Variants in SRCAP observed in about 807,000 individuals in gnomAD.
SRCAP encodes Snf2 related CREBBP activator protein.
SRCAP carries 46 observed loss-of-function variants against 263.1 expected under a neutral mutation model. The ratio of observed to expected loss-of-function variants is 0.17; its 90% CI spans 0.14 to 0.22. SRCAP has a LOEUF of 0.22. SRCAP is among the 10% of genes least tolerant of loss of function. The probability of loss-of-function intolerance (pLI) is 1.00; values close to 1 mark genes in which losing one functional copy is unlikely to be tolerated. For missense variants in SRCAP, 3,695 were observed against 4,181.9 expected, an observed-to-expected ratio of 0.88 and a Z score of 3.21; for synonymous variants, 1,813 against 1,662.1, an observed-to-expected ratio of 1.09 and a Z score of -2.21.
At position 30,739,090 on chromosome 16, in the gene SRCAP, C is replaced by T. The variant is rs1456235567; in HGVS notation, c.9050C>T (p.Pro3017Leu). 1.9e-6 allele frequency: 3 copies of T among 1,614,106 alleles called. No homozygotes were observed. The highest frequency in any genetic ancestry group is 1.3e-5 in the African/African-American group (1 of 74,938). The change falls in exon 34 of 34, where the codon CCT (proline) becomes CTT (leucine). Residue 3017 changes from proline (P) to leucine (L), a missense_variant. Pro to Leu is a moderately conservative substitution (Grantham distance 98). This residue lies in a region of SRCAP where 1,207 missense variants were observed against 1,142.9 expected (regional missense o/e 1.06). Transcript: ENST00000262518. ...CGACCTCCCAAGAATCCTCCATCAC[C>T]TCGGCCCAGCCAGCTCCCCGTCTTG... Reference protein sequence around the residue: ...RGRPPKNPPSPRPSQLPVLDR... With the variant: ...RGRPPKNPPSLRPSQLPVLDR...
intron 13 of SRCAP, 116 bp from the exon 14 acceptor site, chr16:30,712,563 A>G (rs1467427020): frequency 6.5e-7 from 1 of 1,536,798 alleles, no homozygotes; most frequent in Middle Eastern, 1.9e-4. Flanking sequence ...TATAGAGAGG[A>G]CAGTGTAGGT....
In SRCAP at chr16:30,736,342, A is replaced by C; in HGVS notation, c.6872A>C (p.Glu2291Ala). 1 of 1,614,072 alleles carries C rather than the reference A, an allele frequency of 6.2e-7. No individual in the cohort carries two copies. The change falls in exon 32 of 34, where the codon GAG becomes GCG. Residue 2291 changes from glutamate (E) to alanine (A), a missense_variant. Physicochemically the swap from Glu to Ala is moderately radical, Grantham distance 107. Coordinates refer to ENST00000262518, the MANE Select transcript of SRCAP (RefSeq NM_006662.3). ...EGEEAGRPGA[E>A]DEEMSRAEQE... Reference sequence around the variant, plus strand: ...GAGGAAGCTGGCCGGCCTGGGGCTGAGGATGAGGAGATGTCCCGGGCTGAG... The same window carrying C: ...GAGGAAGCTGGCCGGCCTGGGGCTGCGGATGAGGAGATGTCCCGGGCTGAG...
At chr16:30,734,261 T>G in intron 30 of SRCAP, 2 of 639,572 alleles carry the variant, frequency 3.1e-6, no homozygotes, top group Non-Finnish European at 5.2e-6. Context: ...GAGAATCACT[T>G]GAACCTAAGA....
Position 30,737,127 on chromosome 16 carries a change from G to A in SRCAP, c.7087G>A (p.Gly2363Arg). The change falls in exon 34 of 34, where the codon GGG becomes AGG. Residue 2363 changes from glycine (G) to arginine (R), a missense_variant. Coordinates refer to ENST00000262518, the MANE Select transcript of SRCAP (RefSeq NM_006662.3). ...CCGCCTACCCCAAGAGGAGGAGGAG[G>A]GGCCGGGGGCTGGGGATGAGAGTTC... ...VFRLPQEEEE[G>R]PGAGDESSCG... 1 of 1,613,834 alleles carries A rather than the reference G, an allele frequency of 6.2e-7. No homozygotes were observed. Among genetic ancestry groups the A allele is most frequent in the African/African-American group, 1.3e-5 (1 of 75,014 alleles).
Position 30,739,922 on chromosome 16 carries a change from C to T in SRCAP, c.*189C>T. On this transcript the variant is annotated 3_prime_UTR_variant, in exon 34 of 34. Transcript: ENST00000262518. ...CATGGAAATGGGGATCATCACAGTC[C>T]CCTTCCCCTTCACCCCACGTGGCTG... is the stretch of plus-strand genomic sequence containing the variant. 3 of 901,306 alleles carry T rather than the reference C, an allele frequency of 3.3e-6. No individual in the cohort carries two copies. Among genetic ancestry groups the T allele is most frequent in the East Asian group, 3.0e-5 (1 of 33,072 alleles). The allele number at this position is 901,306 out of a possible 1,614,324, so 55.8% of individuals were successfully genotyped here.
chr16:30,736,246 A>G lies in SRCAP; in HGVS notation c.6776A>G (p.Gln2259Arg). Residue 2259 changes from glutamine (Q) to arginine (R), a missense_variant, in exon 32 of 34, where the codon CAG becomes CGG. Physicochemically the swap from Gln to Arg is conservative, Grantham distance 43 (BLOSUM62 1). Coordinates refer to ENST00000262518, the MANE Select transcript of SRCAP (RefSeq NM_006662.3). ...EDEEDIRAAT[Q>R]AKAEQVAELA... is the part of the protein sequence containing the mutation. ...GAAGAGGATATCCGTGCAGCCACCC[A>G]GGCCAAGGCTGAACAGGTGGCTGAG... The G allele has an allele frequency of 6.2e-7, 1 of 1,614,184 alleles. No individual in the cohort carries two copies.
At chr16:30,728,923 C>T in intron 25 of SRCAP, 43 bp from the exon 26 acceptor site, 1 of 1,575,170 alleles carries the variant, frequency 6.3e-7, no homozygotes, top group East Asian at 2.3e-5. Context: ...TTGATGTGGA[C>T]TCTGAGGGTG....
intron 19 of SRCAP, 88 bp from the exon 20 acceptor site, chr16:30,720,623 GTC>G: frequency 2.2e-6 from 3 of 1,389,318 alleles, no homozygotes; most frequent in South Asian, 2.8e-5. Flanking sequence ...TTTATAATCT[GTC>G]TCTCTGTTTC....
Position 30,724,859 on chromosome 16 carries a change from C to G in SRCAP, c.5435C>G (p.Ser1812Cys). Residue 1812 changes from serine (S) to cysteine (C), a missense_variant, in exon 25 of 34, where the codon TCC (serine) becomes TGC (cysteine). Transcript: ENST00000262518. ...CAGACCTTGGCGCTGGCCCCAGCCT[C>G]CACACAGTCCCCAGCTTCCCAGGCA... ...AAQTLALAPA[S>C]TQSPASQASS... 6.2e-7 allele frequency: 1 copy of G among 1,614,150 alleles called. No individual in the cohort carries two copies. Among genetic ancestry groups the G allele is most frequent in the South Asian group, 1.1e-5 (1 of 91,082 alleles).
intron 23 of SRCAP, 31 bp downstream of exon 23, chr16:30,722,779 T>G: frequency 6.3e-7 from 1 of 1,590,222 alleles, no homozygotes; most frequent in South Asian, 1.1e-5. Flanking sequence ...ACTTAGCCCT[T>G]GCTGGCCTTG....
In SRCAP at chr16:30,720,243, C is replaced by T; in HGVS notation, c.2899C>T (p.His967Tyr). Residue 967 changes from histidine to tyrosine, a missense_variant, in exon 19 of 34, where the codon CAC becomes TAC. His to Tyr is a moderately conservative substitution (Grantham distance 83, BLOSUM62 2). Coordinates refer to ENST00000262518, the MANE Select transcript of SRCAP (RefSeq NM_006662.3). ...TGAGGCAGACACATTTCTGCCCCGGCACCGCCTCTCTCGCCGGGTACTGTT... is the reference window on the plus strand; with the variant it reads ...TGAGGCAGACACATTTCTGCCCCGGTACCGCCTCTCTCGCCGGGTACTGTT... ...RYEADTFLPRHRLSRRVLLEV... is the reference protein window; with the variant it reads ...RYEADTFLPRYRLSRRVLLEV... The T allele has an allele frequency of 1.2e-6, 2 of 1,614,218 alleles. No homozygotes were observed. The highest frequency in any genetic ancestry group is 2.2e-5 in the East Asian group (1 of 44,882).
intron 3 of SRCAP, among the ~76,000 whole-genome samples, chr16:30,702,548 C>T (rs1567239055): frequency 7.0e-6 from 1 of 142,318 alleles, no homozygotes; most frequent in Non-Finnish European, 1.5e-5. Context: ...TTTCCACCCT[C>T]CTTCCCTCCC....
Position 30,716,327 on chromosome 16 carries a change from A to G in SRCAP, c.2665A>G (p.Ser889Gly), listed in dbSNP as rs1263753588. 6.2e-7 allele frequency: 1 copy of G among 1,613,998 alleles called. No homozygotes were observed. Among genetic ancestry groups the G allele is most frequent in the Non-Finnish European group, 8.5e-7 (1 of 1,180,046 alleles). The change falls in exon 18 of 34, where the codon AGC becomes GGC. Residue 889 changes from serine (S) to glycine (G), a missense_variant. Ser to Gly is a moderately conservative substitution (Grantham distance 56). Transcript: ENST00000262518. ...KETLATGHFM[S>G]VINILMQLRK... ...GACACTAGCCACAGGCCATTTCATG[A>G]GCGTCATCAACATTTTGATGCAGCT...
rs1160896049 is a variant in SRCAP, at chr16:30,713,468, G to C, written c.2301-51G>C. The C allele has an allele frequency of 2.5e-6, 4 of 1,611,458 alleles. No individual in the cohort carries two copies. The African/African-American group carries it at 4.0e-5, about 16-fold the overall frequency. ...AGGAATGTATCAGAATGCTCAGAAG[G>C]TTGGGAGCTTGCTGACCATACTCTC... On this transcript the variant is annotated intron_variant, in intron 15 of 33. Coordinates refer to ENST00000262518, the MANE Select transcript of SRCAP (RefSeq NM_006662.3).
In SRCAP at chr16:30,721,455, G is replaced by A. The variant is rs754266961; in HGVS notation, c.3520G>A (p.Asp1174Asn). ...PAPQRLILSP[D>N]MQARLPSGEV... ...ACCACAGCGCCTCATTCTATCTCCC[G>A]ATATGCAGGCTCGCCTGCCCTGTAA... is the stretch of plus-strand genomic sequence containing the variant. The change falls in exon 21 of 34, where the codon GAT (aspartate) becomes AAT (asparagine). Residue 1174 changes from aspartate to asparagine, a missense_variant. This residue lies in a region of SRCAP where 1,347 missense variants were observed against 1,304.4 expected (regional missense o/e 1.03). Transcript: ENST00000262518. 15 of 1,611,140 alleles carry A rather than the reference G, an allele frequency of 9.3e-6. No individual in the cohort carries two copies. Among genetic ancestry groups the A allele is most frequent in the Admixed American group, 1.7e-5 (1 of 60,002 alleles).
intron 10 of SRCAP, 85 bp from the exon 11 acceptor site, chr16:30,711,486 A>AC (rs2052890481): frequency 2.2e-6 from 3 of 1,372,886 alleles, no homozygotes; most frequent in African/African-American, 2.9e-5. Context: ...ATCTACAGAG[A>AC]CCTAGGTAAA....
chr16:30,728,975 G>C lies in SRCAP; in HGVS notation c.5668G>C (p.Glu1890Gln). The C allele has an allele frequency of 1.2e-6, 2 of 1,613,008 alleles. No individual in the cohort carries two copies. Among genetic ancestry groups the C allele is most frequent in the Non-Finnish European group, 1.7e-6 (2 of 1,179,142 alleles). Residue 1890 changes from glutamate (E) to glutamine (Q), a missense_variant, in exon 26 of 34, where the codon GAG becomes CAG. Glu to Gln is a conservative substitution (Grantham distance 29, BLOSUM62 2). This residue lies in a region of SRCAP where 1,347 missense variants were observed against 1,304.4 expected (regional missense o/e 1.03). Coordinates refer to ENST00000262518, the MANE Select transcript of SRCAP (RefSeq NM_006662.3). ...TTTCTCTCACCCCCAGGACTCCCTG[G>C]AGGAAAAGCGGAAGCGGCAGCGGTC... is the stretch of plus-strand genomic sequence containing the variant. ...PRSPFYLDSL[E>Q]EKRKRQRSER...
In SRCAP at chr16:30,720,698, A is replaced by G; in HGVS notation, c.2988-15A>G. The G allele has an allele frequency of 6.3e-7, 1 of 1,577,868 alleles. No individual in the cohort carries two copies. Among genetic ancestry groups the G allele is most frequent in the Non-Finnish European group, 8.6e-7 (1 of 1,159,450 alleles). On this transcript the variant is annotated splice_polypyrimidine_tract_variant and intron_variant, in intron 19 of 33. Coordinates refer to ENST00000262518, the MANE Select transcript of SRCAP (RefSeq NM_006662.3). ...TCCTTCTGTCCCTACCCACTCTCTT[A>G]ATTTTTTCTCACAGGATGCTGCAGC...
chr16:30,736,338 G>A lies in SRCAP; in HGVS notation c.6868G>A (p.Ala2290Thr). 1 of 1,614,144 alleles carries A rather than the reference G, an allele frequency of 6.2e-7. No homozygotes were observed. Among genetic ancestry groups the A allele is most frequent in the Non-Finnish European group, 8.5e-7 (1 of 1,180,026 alleles). ...GEGEEAGRPG[A>T]EDEEMSRAEQ... ...GGGAGAGGAAGCTGGCCGGCCTGGG[G>A]CTGAGGATGAGGAGATGTCCCGGGC... The change falls in exon 32 of 34, where the codon GCT becomes ACT. Residue 2290 changes from alanine to threonine, a missense_variant. By Grantham distance (58) the Ala-to-Thr change is moderately conservative. Coordinates refer to ENST00000262518, the MANE Select transcript of SRCAP (RefSeq NM_006662.3).
Sources: gnomAD v4.1 joint callset for allele counts (sites outside exome capture counted in the v4.1 genomes callset) on GRCh38, gnomAD v4.1.1 for gene constraint, gnomAD v4.1.1 regional missense constraint, MANE v1.5 for transcripts, NCBI Gene and HGNC (gene_info 2026-07-23, HGNC 2026-07-21) for gene names.